Variants in PRMT9 observed in about 807,000 individuals in gnomAD.
PRMT9 encodes the protein protein arginine methyltransferase 9.
Under a neutral mutation model 83.2 loss-of-function variants are expected in PRMT9, and 59 were observed. The observed-to-expected ratio is 0.71, with a 90% confidence interval of 0.57 to 0.88. PRMT9 has a LOEUF of 0.88. PRMT9 is among the 40% of genes least tolerant of loss of function. The pLI, the probability that PRMT9 is intolerant of heterozygous loss-of-function variation, is 0.00. For missense variants in PRMT9, 947 were observed against 1,021.9 expected (o/e 0.93, Z 1.00); for synonymous variants, 333 against 353.2 (o/e 0.94, Z 0.64).
rs1380728127 is a variant in PRMT9 at position 147,680,410 on chromosome 4, T to G, written c.251A>C (p.Gln84Pro). 2 of 1,613,978 alleles carry G rather than the reference T, an allele frequency of 1.2e-6. No individual in the cohort carries two copies. The highest frequency in any genetic ancestry group is 2.7e-5 in the African/African-American group (2 of 74,926). ...CTGCTCATAGCAACCAAGTAAGTCT[T>G]GTATCCGACTGAGAGCATCAAGCTC... Reference protein sequence around the residue: ...AEELDALSRIQDLLGCYEQAL... With the variant: ...AEELDALSRIPDLLGCYEQAL... The change falls in exon 2 of 12, where the codon CAA becomes CCA. Residue 84 changes from glutamine (Q) to proline (P), a missense_variant. Coordinates refer to ENST00000322396, the MANE Select transcript of PRMT9 (RefSeq NM_138364.4).
intron 9 of PRMT9, among the ~76,000 whole-genome samples, chr4:147,650,295 A>G (rs1398517267): frequency 6.6e-6 from 1 of 152,180 alleles, no homozygotes; most frequent in Admixed American, 6.5e-5. Context: ...AACAACAAAA[A>G]CCTGTTACAA....
At position 147,639,070 on chromosome 4, in the gene PRMT9, CACGTATAGGTACCTAGAGAA is replaced by C; in HGVS notation, c.2200-8_2211del. 6.2e-7 allele frequency: 1 copy of C among 1,613,458 alleles called. No homozygotes were observed. The highest frequency in any genetic ancestry group is 2.2e-5 in the East Asian group (1 of 44,764). ...GGCAATGAGGATAGGTCCAAAAATACACGTATAGGTACCTAGAGAAAGTATAAATTTTTCACTTTCACTTT... is the reference window on the plus strand; with the variant it reads ...GGCAATGAGGATAGGTCCAAAAATACAGTATAAATTTTTCACTTTCACTTT... On this transcript the variant is annotated splice_acceptor_variant and splice_polypyrimidine_tract_variant and coding_sequence_variant and intron_variant, in exon 11 of 12. Coordinates refer to ENST00000322396, the MANE Select transcript of PRMT9 (RefSeq NM_138364.4). LOFTEE classifies it high-confidence loss of function.
At chr4:147,640,537 A>C (rs1474723561) in intron 10 of PRMT9, among the ~76,000 whole-genome samples, 2 of 152,110 alleles carry the variant, frequency 1.3e-5, no homozygotes, top group African/African-American at 2.4e-5. Flanking sequence ...CTAACTGCCA[A>C]ATTTAAATCT....
At chr4:147,663,254 C>T (rs941558803) in intron 6 of PRMT9, among the ~76,000 whole-genome samples, 2 of 151,960 alleles carry the variant, frequency 1.3e-5, no homozygotes, top group East Asian at 1.9e-4. Context: ...ATGATCCGCC[C>T]GCCTCAGCCT....
chr4:147,645,723 T>A (rs957496493), intron 9 of PRMT9, among the ~76,000 whole-genome samples: 1 of 152,162 alleles, frequency 6.6e-6, no homozygotes, highest in Admixed American at 6.5e-5. Context: ...TCTGCTCTTG[T>A]AACAGCTCAC....
In PRMT9 at chr4:147,668,526, C is replaced by T. The variant is rs2718454; in HGVS notation, c.953+13G>A. Reference sequence around the variant, plus strand: ...TGCTTTATAGCAGTGTGAAAATGGACTAATACACTTACCTATGATGTCTTC... The same window carrying T: ...TGCTTTATAGCAGTGTGAAAATGGATTAATACACTTACCTATGATGTCTTC... On this transcript the variant is annotated intron_variant, in intron 6 of 11. Transcript: ENST00000322396. 0.95 allele frequency: 1,398,678 copies of T among 1,467,954 alleles called. 672,606 individuals are homozygous for T. The highest frequency in any genetic ancestry group is 0.99 in the Non-Finnish European group (1,035,072 of 1,050,786). The allele number at this position is 1,467,954 out of a possible 1,614,324, so 90.9% of individuals were successfully genotyped here.
At chr4:147,670,787 G>A in intron 4 of PRMT9, 44 bp from the exon 5 acceptor site, 1 of 1,241,384 alleles carries the variant, frequency 8.1e-7, no homozygotes, top group Non-Finnish European at 1.2e-6. Flanking sequence ...AAAATATCAT[G>A]CTATTATATA....
chr4:147,683,526 C>A (rs1339008018), intron 1 of PRMT9, among the ~76,000 whole-genome samples: 2 of 152,050 alleles, frequency 1.3e-5, no homozygotes. Context: ...CTGGGCTGGT[C>A]GTAGGTGTGA....
At chr4:147,668,689 A>C (rs1735523065) in intron 5 of PRMT9, 44 bp from the exon 6 acceptor site, 1 of 1,082,746 alleles carries the variant, frequency 9.2e-7, no homozygotes, top group South Asian at 1.3e-5. Flanking sequence ...CATGTATGTA[A>C]AAATGTGTGT....
chr4:147,670,131 TAC>T (rs1178585419), intron 5 of PRMT9, among the ~76,000 whole-genome samples: 3 of 151,916 alleles, frequency 2.0e-5, no homozygotes, highest in Non-Finnish European at 4.4e-5. Flanking sequence ...CACATAATTA[TAC>T]ATTGAATCAT....
chr4:147,650,592 T>A (rs994339068), intron 9 of PRMT9, among the ~76,000 whole-genome samples: 1 of 152,202 alleles, frequency 6.6e-6, no homozygotes, highest in African/African-American at 2.4e-5. Context: ...CTGCAATCCA[T>A]ATCAAAACCC....
chr4:147,671,983 C>G, intron 4 of PRMT9: 1 of 444,678 alleles, frequency 2.2e-6, no homozygotes, highest in South Asian at 1.6e-5. Context: ...CTTGCCAACA[C>G]CTTGATCATG....
intron 2 of PRMT9, among the ~76,000 whole-genome samples, chr4:147,676,788 T>C (rs1351784677): frequency 6.6e-6 from 1 of 152,010 alleles, no homozygotes; most frequent in East Asian, 1.9e-4. Context: ...GCTCATGTCT[T>C]TGGGCGCCAC....
At chr4:147,657,009 C>CA (rs576435328) in intron 8 of PRMT9, among the ~76,000 whole-genome samples, 3,496 of 146,954 alleles carry the variant, frequency 0.024, 58 homozygotes, top group Non-Finnish European at 0.034. Context: ...AATTTCCATA[C>CA]AAAAAAAAAA....
chr4:147,649,400 C>G (rs1733947912), intron 9 of PRMT9, among the ~76,000 whole-genome samples: 1 of 152,138 alleles, frequency 6.6e-6, no homozygotes, highest in South Asian at 2.1e-4. Flanking sequence ...ACACTCAAAC[C>G]ATAGCCATGG....
chr4:147,642,885 A>T lies in PRMT9; in HGVS notation c.2101T>A (p.Leu701Met). ...AGGAGTGTCTGTGATTCCACAAGCA[A>T]CCCAAACATCAGCACATACTGAGGA... Reference protein sequence around the residue: ...IFPQYVLMFGLLVESQTLLEE... With the variant: ...IFPQYVLMFGMLVESQTLLEE... The change falls in exon 10 of 12, where the codon TTG becomes ATG. Residue 701 changes from leucine (L) to methionine (M), a missense_variant. Physicochemically the swap from Leu to Met is conservative, Grantham distance 15. Coordinates refer to ENST00000322396, the MANE Select transcript of PRMT9 (RefSeq NM_138364.4). 6.2e-7 allele frequency: 1 copy of T among 1,614,028 alleles called. No individual in the cohort carries two copies. The highest frequency in any genetic ancestry group is 1.7e-5 in the Admixed American group (1 of 60,030).
intron 2 of PRMT9, among the ~76,000 whole-genome samples, chr4:147,675,092 T>TGCCTCA (rs1735981462): frequency 2.0e-5 from 3 of 152,158 alleles, no homozygotes; most frequent in Non-Finnish European, 2.9e-5. Context: ...GCGATTCTCC[T>TGCCTCA]GCCTCAGCCT....
intron 6 of PRMT9, among the ~76,000 whole-genome samples, chr4:147,664,270 T>C (rs1735168685): frequency 6.6e-6 from 1 of 152,252 alleles, no homozygotes; most frequent in African/African-American, 2.4e-5. Flanking sequence ...ATTGAGCCAC[T>C]GTGCTCCAAC....
In PRMT9 at chr4:147,638,113, T is replaced by C. The variant is rs886585340; in HGVS notation, c.*419A>G. The C allele has an allele frequency of 2.9e-5, 6 of 207,256 alleles. No homozygotes were observed. The highest frequency in any genetic ancestry group is 7.1e-5 in the African/African-American group (3 of 42,080). The allele number at this position is 207,256 out of a possible 1,614,324, so 12.8% of individuals were successfully genotyped here. The stretch of plus-strand genomic sequence containing the variant: ...CACTGAGTATTTAAAGGAAGCAAGA[T>C]TGGAATTTACAGGTAACCATAACCC... On this transcript the variant is annotated 3_prime_UTR_variant, in exon 12 of 12. Coordinates refer to ENST00000322396, the MANE Select transcript of PRMT9 (RefSeq NM_138364.4).
Sources: gnomAD v4.1 joint callset for allele counts (sites outside exome capture counted in the v4.1 genomes callset) on GRCh38, gnomAD v4.1.1 for gene constraint, MANE v1.5 for transcripts, NCBI Gene and HGNC (gene_info 2026-07-23, HGNC 2026-07-21) for gene names.